SNURF: variants seen among roughly 807,000 people sequenced by gnomAD.
The protein encoded by SNURF is SNRPN upstream open reading frame, also known as SNURF protein.
In SNURF, 6 loss-of-function variants were observed where a neutral mutation model predicts 11.6. The ratio of observed to expected loss-of-function variants is 0.52; its 90% CI spans 0.28 to 1.02. The LOEUF (loss-of-function observed/expected upper bound fraction) is 1.02, where lower values mean the gene tolerates loss of function less well. Among genes scored for constraint, SNURF ranks in the 50% least tolerant of loss-of-function variants. The probability of loss-of-function intolerance (pLI) is 0.09; values close to 1 mark genes in which losing one functional copy is unlikely to be tolerated. For missense variants in SNURF, 84 were observed against 88.4 expected (o/e 0.95, Z 0.20); for synonymous variants, 29 against 31.6 (o/e 0.92, Z 0.27).
At chr15:24,971,106 T>A (rs550453704), downstream of SNURF, among the ~76,000 whole-genome samples, 231 of 152,332 alleles carry the variant, frequency 1.5e-3, no homozygotes, top group Middle Eastern at 0.027. Flanking sequence ...ATTTTACTTT[T>A]GAATTAAAGT....
intron 1 of SNURF, among the ~76,000 whole-genome samples, chr15:24,955,744 G>A (rs1222631234): frequency 6.6e-6 from 1 of 151,508 alleles, no homozygotes; most frequent in Non-Finnish European, 1.5e-5. Flanking sequence ...GGAGGTAGGG[G>A]GAAGGCGGCG....
At position 24,962,223 on chromosome 15, in the gene SNURF, G is replaced by A. The variant is rs770772789; in HGVS notation, c.110+14G>A. The A allele has an allele frequency of 2.5e-6, 4 of 1,607,256 alleles. No individual in the cohort carries two copies. Among genetic ancestry groups the A allele is most frequent in the Non-Finnish European group, 2.6e-6 (3 of 1,173,800 alleles). ...GAGCAACCAAGAGTGAGTACAGACT[G>A]TGTTGGGAACAAATGCAAGTCAGAA... On this transcript the variant is annotated intron_variant, in intron 2 of 2. Transcript: ENST00000577949.
At chr15:24,967,082 A>T (rs1198784599) in intron 2 of SNURF, 3 of 152,194 alleles carry the variant, frequency 2.0e-5, no homozygotes, top group African/African-American at 7.2e-5. Context: ...ATCTCCCTGC[A>T]AATGCTTTAG....
chr15:24,956,118 G>A (rs1303707592), intron 1 of SNURF, among the ~76,000 whole-genome samples: 2 of 152,154 alleles, frequency 1.3e-5, no homozygotes, highest in Non-Finnish European at 2.9e-5. Flanking sequence ...TCGCTTTAGA[G>A]GCTATGGCAT....
At chr15:24,963,679 A>T (rs892757263) in intron 2 of SNURF, among the ~76,000 whole-genome samples, 1 of 151,890 alleles carries the variant, frequency 6.6e-6, no homozygotes, top group Non-Finnish European at 1.5e-5. Context: ...TTCAAATTAA[A>T]GGTTTTTCCT....
At chr15:24,976,843 G>A (rs2077120023) in intron 5 of SNURF, 3 of 1,591,890 alleles carry the variant, frequency 1.9e-6, no homozygotes, top group Non-Finnish European at 2.6e-6. Flanking sequence ...CTTGTAAATT[G>A]TTTGATTTTA....
chr15:24,960,955 T>G (rs2074700216), intron 1 of SNURF, among the ~76,000 whole-genome samples: 1 of 152,242 alleles, frequency 6.6e-6, no homozygotes, highest in South Asian at 2.1e-4. Flanking sequence ...CCTTCTTTTT[T>G]TTCATTGTTT....
intron 1 of SNURF, among the ~76,000 whole-genome samples, chr15:24,958,097 A>G (rs569773033): frequency 2.0e-5 from 3 of 152,130 alleles, no homozygotes; most frequent in Non-Finnish European, 4.4e-5. Context: ...TGATTTCACT[A>G]TTCTATCTGA....
chr15:24,969,010 C>G (rs956744920), downstream of SNURF, among the ~76,000 whole-genome samples: 3 of 152,056 alleles, frequency 2.0e-5, no homozygotes, highest in African/African-American at 7.2e-5. Flanking sequence ...AAAGTAAGAG[C>G]AGAGAGGAAT....
At chr15:24,957,240 G>C (rs2063083477) in intron 1 of SNURF, among the ~76,000 whole-genome samples, 1 of 152,142 alleles carries the variant, frequency 6.6e-6, no homozygotes, top group Non-Finnish European at 1.5e-5. Context: ...CATCGTGATG[G>C]CTCTTCCCGA....
chr15:24,975,102 C>T, intron 3 of SNURF: 1 of 636,236 alleles, frequency 1.6e-6, no homozygotes, highest in South Asian at 1.8e-5. Flanking sequence ...TTAGAGCATG[C>T]ATCGTCACAG....
exon 2 of SNURF, chr15:24,962,146 A>G (rs762505215): frequency 6.2e-7 from 1 of 1,614,192 alleles, no homozygotes; most frequent in Non-Finnish European, 8.5e-7. Context: ...ACTACAGAAC[A>G]GCACGTACCA....
chr15:24,974,701 A>G (rs1232589790), intron 3 of SNURF: 3 of 610,742 alleles, frequency 4.9e-6, no homozygotes, highest in Non-Finnish European at 5.8e-6. Context: ...GCTCACTGCA[A>G]CCCTGGGTTC....
intron 1 of SNURF, 36 bp downstream of exon 1, chr15:24,955,098 C>T: frequency 6.2e-7 from 1 of 1,613,468 alleles, no homozygotes; most frequent in African/African-American, 1.3e-5. Context: ...AAGAGACAGC[C>T]TGGGGAGCGG....
intron 3 of SNURF, chr15:24,975,093 T>G (rs145587458): frequency 3.1e-6 from 2 of 648,748 alleles, no homozygotes; most frequent in East Asian, 5.4e-5. Context: ...GTGGACAGTT[T>G]AGAGCATGCA....
At chr15:24,978,281 G>A (rs746441330), downstream of SNURF, 52 of 1,614,070 alleles carry the variant, frequency 3.2e-5, no homozygotes, top group East Asian at 7.6e-4. Flanking sequence ...TAGGCATGCC[G>A]CCTCCGGGAA....
downstream of SNURF, chr15:24,978,192 G>A: frequency 6.2e-7 from 1 of 1,612,508 alleles, no homozygotes. Context: ...TTTCACTGTA[G>A]GCATTATGGC....
chr15:24,970,163 C>A (rs1207276063), downstream of SNURF, among the ~76,000 whole-genome samples: 1 of 152,134 alleles, frequency 6.6e-6, no homozygotes, highest in African/African-American at 2.4e-5. Flanking sequence ...AGGGATCAGT[C>A]TAAGAGTCAT....
chr15:24,959,890 G>A (rs182851399), intron 1 of SNURF, among the ~76,000 whole-genome samples: 6 of 152,244 alleles, frequency 3.9e-5, no homozygotes, highest in East Asian at 3.9e-4. Flanking sequence ...CTTAGCCCTC[G>A]TATATGCCAG....
Sources: gnomAD v4.1 joint callset for allele counts (sites outside exome capture counted in the v4.1 genomes callset) on GRCh38, gnomAD v4.1.1 for gene constraint, MANE v1.5 for transcripts, NCBI Gene and HGNC (gene_info 2026-07-23, HGNC 2026-07-21) for gene names.